CNNM2: variants seen among roughly 807,000 people sequenced by gnomAD.
CNNM2 encodes the protein metal transporter CNNM2.
CNNM2 carries 12 observed loss-of-function variants against 66.9 expected under a neutral mutation model. That is an observed-to-expected ratio of 0.18 (90% confidence interval 0.11 to 0.29). The LOEUF (loss-of-function observed/expected upper bound fraction) is 0.29. Ranked by LOEUF, CNNM2 falls within the 10% of genes least tolerant of loss-of-function variation. The probability of loss-of-function intolerance (pLI) is 1.00; values close to 1 mark genes in which losing one functional copy is unlikely to be tolerated. For synonymous variants in CNNM2, 557 were observed against 501.8 expected (o/e 1.11, Z -1.47); for missense variants, 705 against 1,167.7 (o/e 0.60, Z 5.77).
intron 1 of CNNM2, among the ~76,000 whole-genome samples, chr10:103,013,683 G>A (rs2064388609): frequency 6.6e-6 from 1 of 152,204 alleles, no homozygotes. Flanking sequence ...TCCATCTGGA[G>A]TACTGGTAAT....
chr10:103,003,862 T>G (rs948856245), intron 1 of CNNM2, among the ~76,000 whole-genome samples: 2 of 152,136 alleles, frequency 1.3e-5, no homozygotes, highest in Admixed American at 1.3e-4. Flanking sequence ...GTTTTTATAC[T>G]TTATATAAAT....
In CNNM2 at chr10:102,918,495, C is replaced by G; in HGVS notation, c.15C>G (p.Gly5=). MIGC[G]ACEPKVKMAG... is the part of the protein sequence containing the mutation. ...GCAGCCACCCTATGATTGGCTGTGG[C>G]GCTTGTGAACCCAAAGTAAAGATGG... The change falls in exon 1 of 8, where the codon GGC becomes GGG. Residue 5 remains glycine (G), a synonymous_variant. Transcript: ENST00000369878. This position sits in a 1 kb window ranked among gnomAD's most constrained non-coding sequence, Gnocchi z 4.1. 1 of 1,607,010 alleles carries G rather than the reference C, an allele frequency of 6.2e-7. No homozygotes were observed. The highest frequency in any genetic ancestry group is 8.5e-7 in the Non-Finnish European group (1 of 1,178,278).
At chr10:102,975,139 A>G (rs1231641249) in intron 1 of CNNM2, among the ~76,000 whole-genome samples, 3 of 152,172 alleles carry the variant, frequency 2.0e-5, no homozygotes, top group Admixed American at 2.0e-4. Flanking sequence ...ATGGAGTAGA[A>G]GATGGTAAAC....
At chr10:103,058,774 A>G (rs1010601774) in intron 4 of CNNM2, among the ~76,000 whole-genome samples, 6 of 152,228 alleles carry the variant, frequency 3.9e-5, no homozygotes, top group Non-Finnish European at 7.3e-5. Flanking sequence ...GTGAAAAACC[A>G]TGATCTTGCA....
intron 1 of CNNM2, among the ~76,000 whole-genome samples, chr10:102,948,093 TA>T (rs1209985386): frequency 1.3e-5 from 2 of 152,038 alleles, no homozygotes; most frequent in African/African-American, 4.8e-5. Context: ...CCCACACAGG[TA>T]AAAACATTCA....
chr10:103,077,194 C>T lies in CNNM2; in HGVS notation c.*14C>T, dbSNP rs376058065. 3.4e-5 allele frequency: 55 copies of T among 1,609,264 alleles called. No individual in the cohort carries two copies. The African/African-American group carries it at 5.2e-4, about 15-fold the overall frequency. ...GGCGCCATCTAGGCCGCGCTGGCTG[C>T]ACCCGCCCAGGCCCGCACCCGCCCA... On this transcript the variant is annotated 3_prime_UTR_variant, in exon 8 of 8. Transcript: ENST00000369878.
chr10:103,017,639 C>A (rs1454057149), intron 1 of CNNM2, among the ~76,000 whole-genome samples: 1 of 152,082 alleles, frequency 6.6e-6, no homozygotes, highest in Non-Finnish European at 1.5e-5. Flanking sequence ...TTGGATAGGA[C>A]TGTGTTTGAT....
At chr10:102,998,653 A>G (rs2064048938) in intron 1 of CNNM2, among the ~76,000 whole-genome samples, 1 of 152,154 alleles carries the variant, frequency 6.6e-6, no homozygotes, top group Non-Finnish European at 1.5e-5. Context: ...ACGATCTTCT[A>G]TATAGAAAAT....
In CNNM2 at chr10:102,983,165, G is replaced by T. The variant is rs578148379; in HGVS notation, c.1621+63064G>T. ...CCTCCCAGGATTGAAAAAAGACCTTGCTCAGGTGTGATCTAAATATTATAT... is the reference window on the plus strand; with the variant it reads ...CCTCCCAGGATTGAAAAAAGACCTTTCTCAGGTGTGATCTAAATATTATAT... On this transcript the variant is annotated intron_variant, in intron 1 of 7. Coordinates refer to ENST00000369878, the MANE Select transcript of CNNM2 (RefSeq NM_017649.5). Among the ~76,000 whole-genome samples, 118 of 151,758 alleles carry T rather than the reference G, an allele frequency of 7.8e-4. 2 individuals are homozygous for T. In the South Asian group the frequency reaches 0.024, roughly 31 times the overall value.
intron 1 of CNNM2, among the ~76,000 whole-genome samples, chr10:103,015,634 AC>A: frequency 6.6e-6 from 1 of 152,252 alleles, no homozygotes; most frequent in East Asian, 1.9e-4. Flanking sequence ...AGGGTGGATC[AC>A]TTGACATCGG....
In CNNM2 at chr10:102,918,996, C is replaced by T. The variant is rs1322530711; in HGVS notation, c.516C>T (p.Ile172=). The T allele has an allele frequency of 1.9e-6, 3 of 1,612,756 alleles. No individual in the cohort carries two copies. Among genetic ancestry groups the T allele is most frequent in the Non-Finnish European group, 2.5e-6 (3 of 1,179,534 alleles). ...TTCTCAACCGCCGCACCTCGGGCAT[C>T]ATCGAGATCGAGATCAAACCGCTAC... ...HIILNRRTSG[I]IEIEIKPLRK... is the part of the protein sequence containing the mutation. Residue 172 remains isoleucine (I), a synonymous_variant, in exon 1 of 8, where the codon ATC becomes ATT. Transcript: ENST00000369878. This position sits in a 1 kb window ranked among gnomAD's most constrained non-coding sequence, Gnocchi z 4.1.
At chr10:102,940,059 T>G (rs577640348) in intron 1 of CNNM2, among the ~76,000 whole-genome samples, 95 of 152,292 alleles carry the variant, frequency 6.2e-4, no homozygotes, top group Admixed American at 3.6e-3. Context: ...TTTCCTGCTC[T>G]CAGGTAACTT....
chr10:102,954,865 G>A (rs538133167), intron 1 of CNNM2, among the ~76,000 whole-genome samples: 40 of 152,102 alleles, frequency 2.6e-4, no homozygotes, highest in Non-Finnish European at 4.9e-4. Flanking sequence ...ACAAACCACT[G>A]CTCAATGAAA....
intron 1 of CNNM2, among the ~76,000 whole-genome samples, chr10:103,039,927 G>A (rs774596723): frequency 5.3e-5 from 8 of 152,176 alleles, no homozygotes; most frequent in Non-Finnish European, 8.8e-5. Context: ...GCACCTCTGG[G>A]AGGCCAAGAA....
intron 1 of CNNM2, among the ~76,000 whole-genome samples, chr10:103,020,990 T>C (rs1031344829): frequency 3.2e-4 from 48 of 152,102 alleles, no homozygotes; most frequent in African/African-American, 4.3e-4. Context: ...TAAGTTAAGA[T>C]TGAAAATATA....
intron 1 of CNNM2, among the ~76,000 whole-genome samples, chr10:102,986,345 C>T (rs1368992827): frequency 1.3e-5 from 2 of 151,140 alleles, no homozygotes; most frequent in South Asian, 2.1e-4. Flanking sequence ...CCTCTGCCTC[C>T]CGGGTTCAAG....
Position 103,068,673 on chromosome 10 carries a change from A to G in CNNM2, c.2118A>G (p.Glu706=), listed in dbSNP as rs1234531901. 1.9e-6 allele frequency: 3 copies of G among 1,613,204 alleles called. No homozygotes were observed. The highest frequency in any genetic ancestry group is 2.7e-5 in the African/African-American group (2 of 74,924). ...CTGGGAAAGAAGGTATGAAGTTTGA[A>G]GCGAGCGCCTTCTCATACTATGGCG... ...VEAGKEGMKF[E]ASAFSYYGVM... is the part of the protein sequence containing the mutation. Residue 706 remains glutamate, a synonymous_variant, in exon 5 of 8, where the codon GAA becomes GAG. Transcript: ENST00000369878.
At chr10:102,977,190 C>T (rs973093888) in intron 1 of CNNM2, among the ~76,000 whole-genome samples, 5 of 152,138 alleles carry the variant, frequency 3.3e-5, no homozygotes, top group Admixed American at 3.3e-4. Flanking sequence ...TATTTACTCT[C>T]ATGGATGTTT....
chr10:102,977,133 C>A (rs2063647064), intron 1 of CNNM2, among the ~76,000 whole-genome samples: 1 of 152,182 alleles, frequency 6.6e-6, no homozygotes, highest in Non-Finnish European at 1.5e-5. Flanking sequence ...TCCCATCTGA[C>A]TGCAGAGTGG....
Sources: allele counts gnomAD v4.1 joint callset (sites outside exome capture counted in the v4.1 genomes callset), GRCh38; gene constraint gnomAD v4.1.1; non-coding constraint Gnocchi (gnomAD v3.1); transcripts MANE v1.5; gene names NCBI Gene and HGNC (gene_info 2026-07-23, HGNC 2026-07-21).